The following RAB38 variants were observed in gnomAD, a reference collection of about 807,000 sequenced individuals.
RAB38 encodes the protein ras-related protein Rab-38.
In RAB38, 15 loss-of-function variants were observed where a neutral mutation model predicts 18.4. The ratio of observed to expected loss-of-function variants is 0.82; its 90% CI spans 0.55 to 1.26. The LOEUF (loss-of-function observed/expected upper bound fraction) is 1.26. RAB38 is among the 50% of genes most tolerant of loss of function. The pLI is 0.00. For missense variants in RAB38, 294 were observed against 267.4 expected, an observed-to-expected ratio of 1.10 and a Z score of -0.69; for synonymous variants, 101 against 104.4, an observed-to-expected ratio of 0.97 and a Z score of 0.20.
chr11:87,866,384 T>C, the RAB38 span, among the ~76,000 whole-genome samples: 17 of 151,714 alleles, frequency 1.1e-4, no homozygotes, highest in Non-Finnish European at 1.5e-4. Context: ...TCCGGTACCA[T>C]TGCTTTCCAT....
chr11:88,071,923 A>C, the RAB38 span, among the ~76,000 whole-genome samples: 2 of 152,240 alleles, frequency 1.3e-5, no homozygotes, highest in African/African-American at 4.8e-5. Context: ...GGCTAGAATC[A>C]TTCAACCTCT....
At chr11:88,018,233 C>G in the RAB38 span, among the ~76,000 whole-genome samples, 1 of 152,108 alleles carries the variant, frequency 6.6e-6, no homozygotes, top group African/African-American at 2.4e-5. Flanking sequence ...CAGTCTGTAC[C>G]CGTATACACT....
At chr11:88,062,343 T>G in the RAB38 span, among the ~76,000 whole-genome samples, 13 of 152,162 alleles carry the variant, frequency 8.5e-5, no homozygotes, top group Admixed American at 8.5e-4. Flanking sequence ...ATGTAAGACA[T>G]GCCTGCTTCC....
chr11:87,934,994 G>A, the RAB38 span, among the ~76,000 whole-genome samples: 893 of 151,998 alleles, frequency 5.9e-3, 7 homozygotes, highest in African/African-American at 0.021. Context: ...CTGTGGCCAC[G>A]GTGTAGAGCC....
At chr11:88,141,204 T>C (rs900531442) in intron 2 of RAB38, among the ~76,000 whole-genome samples, 1 of 152,126 alleles carries the variant, frequency 6.6e-6, no homozygotes, top group Non-Finnish European at 1.5e-5. Flanking sequence ...GCACAAGACA[T>C]ATTTTTTGAT....
At chr11:88,037,953 A>T in the RAB38 span, among the ~76,000 whole-genome samples, 2 of 152,330 alleles carry the variant, frequency 1.3e-5, no homozygotes, top group Admixed American at 1.3e-4. Context: ...AAAGATATAT[A>T]AAATATATGG....
chr11:87,877,934 T>C, the RAB38 span, among the ~76,000 whole-genome samples: 2 of 151,544 alleles, frequency 1.3e-5, no homozygotes, highest in Non-Finnish European at 3.0e-5. Flanking sequence ...AATAGCTTCA[T>C]ACCATGGTGT....
the RAB38 span, among the ~76,000 whole-genome samples, chr11:88,077,865 C>T: frequency 6.6e-6 from 1 of 151,950 alleles, no homozygotes; most frequent in Admixed American, 6.6e-5. Context: ...GAGGTGATAA[C>T]CCACTGAATG....
the RAB38 span, among the ~76,000 whole-genome samples, chr11:87,832,788 CTCAG>C: frequency 0.25 from 37,798 of 151,818 alleles, 6,139 homozygotes; most frequent in African/African-American, 0.46. Flanking sequence ...AGGTGGATCA[CTCAG>C]GCTTTGTATT....
At chr11:88,163,375 C>A (rs1943209885) in intron 1 of RAB38, among the ~76,000 whole-genome samples, 1 of 152,108 alleles carries the variant, frequency 6.6e-6, no homozygotes, top group South Asian at 2.1e-4. Context: ...AAAAGAAGAT[C>A]TTTGATCTAA....
At chr11:88,138,334 A>G (rs1942860865) in intron 2 of RAB38, among the ~76,000 whole-genome samples, 1 of 152,248 alleles carries the variant, frequency 6.6e-6, no homozygotes. Context: ...TTCATACCTA[A>G]TGATATAAAC....
At chr11:88,159,801 T>C (rs1943168759) in intron 1 of RAB38, among the ~76,000 whole-genome samples, 1 of 152,044 alleles carries the variant, frequency 6.6e-6, no homozygotes, top group Admixed American at 6.6e-5. Flanking sequence ...ACTGGACTCC[T>C]ACCTTTCACC....
the RAB38 span, among the ~76,000 whole-genome samples, chr11:87,963,426 C>G: frequency 6.6e-6 from 1 of 152,188 alleles, no homozygotes; most frequent in South Asian, 2.1e-4. Context: ...CATATACATA[C>G]AGTTCTAAGA....
At chr11:87,945,628 C>T in the RAB38 span, among the ~76,000 whole-genome samples, 1 of 152,058 alleles carries the variant, frequency 6.6e-6, no homozygotes, top group Non-Finnish European at 1.5e-5. Flanking sequence ...TTAATTCATT[C>T]ATAGTATCAT....
the RAB38 span, among the ~76,000 whole-genome samples, chr11:87,894,877 G>C: frequency 1.3e-5 from 2 of 151,510 alleles, no homozygotes; most frequent in African/African-American, 2.4e-5. Flanking sequence ...GGGGGAACTA[G>C]AACTACAGAT....
chr11:87,928,033 G>A, the RAB38 span, among the ~76,000 whole-genome samples: 1 of 151,860 alleles, frequency 6.6e-6, no homozygotes, highest in South Asian at 2.1e-4. Flanking sequence ...AGCTATGATT[G>A]TATCACTGCA....
At chr11:87,894,778 C>T in the RAB38 span, among the ~76,000 whole-genome samples, 1 of 149,598 alleles carries the variant, frequency 6.7e-6, no homozygotes, top group East Asian at 2.0e-4. Context: ...TATATGTACA[C>T]ATTATATATC....
At chr11:87,804,954 G>A in the RAB38 span, among the ~76,000 whole-genome samples, 8 of 152,166 alleles carry the variant, frequency 5.3e-5, no homozygotes, top group East Asian at 3.9e-4. Context: ...AAAAAAAGTC[G>A]TTTGTCTCTC....
the RAB38 span, among the ~76,000 whole-genome samples, chr11:87,956,337 C>A: frequency 1.3e-5 from 2 of 151,358 alleles, no homozygotes; most frequent in African/African-American, 4.8e-5. Context: ...ACACTAGAAT[C>A]AAAAAGTTGT....
Sources: gnomAD v4.1 joint callset for allele counts (sites outside exome capture counted in the v4.1 genomes callset) on GRCh38, gnomAD v4.1.1 for gene constraint, MANE v1.5 for transcripts, NCBI Gene and HGNC (gene_info 2026-07-23, HGNC 2026-07-21) for gene names.